ICAM2: variants seen among roughly 807,000 people sequenced by gnomAD.
ICAM2 encodes the protein intercellular adhesion molecule 2.
In ICAM2, 14 loss-of-function variants were observed where a neutral mutation model predicts 19.1. The ratio of observed to expected loss-of-function variants is 0.73; its 90% confidence interval spans 0.48 to 1.15. The LOEUF (loss-of-function observed/expected upper bound fraction) is 1.15. Ranked by LOEUF, ICAM2 falls within the 50% of genes most tolerant of loss-of-function variation. The pLI, the probability that ICAM2 is intolerant of heterozygous loss-of-function variation, is 0.00. For synonymous variants in ICAM2, 153 were observed against 152.7 expected, an observed-to-expected ratio of 1.00 and a Z score of -0.01; for missense variants, 311 against 355.4, an observed-to-expected ratio of 0.88 and a Z score of 1.00.
chr17:64,004,136 C>G, intron 3 of ICAM2, 172 bp from the exon 4 acceptor site: 1 of 595,458 alleles, frequency 1.7e-6, no homozygotes, highest in East Asian at 2.8e-5. Flanking sequence ...GGAGGCTGGA[C>G]TGTGTGGTAG....
chr17:64,006,903 GAAGCTGCTGAT>G, intron 1 of ICAM2, 168 bp from the exon 2 acceptor site: 1 of 593,692 alleles, frequency 1.7e-6, no homozygotes, highest in Non-Finnish European at 3.0e-6. Flanking sequence ...AGGAAGCTGG[GAAGCTGCTGAT>G]AAGCAGGGCA....
chr17:64,015,863 T>A (rs997796043), intron 1 of ICAM2, among the ~76,000 whole-genome samples: 6 of 152,008 alleles, frequency 3.9e-5, no homozygotes, highest in African/African-American at 1.4e-4. Flanking sequence ...TTAAAAAAAA[T>A]TATTATTATT....
At chr17:64,016,459 C>T (rs1041543740) in intron 1 of ICAM2, among the ~76,000 whole-genome samples, 1 of 152,204 alleles carries the variant, frequency 6.6e-6, no homozygotes, top group Non-Finnish European at 1.5e-5. Context: ...TGCTTTTCGT[C>T]TCAGGGTCTT....
chr17:64,003,549 G>T, intron 4 of ICAM2, 95 bp downstream of exon 4: 1 of 1,117,344 alleles, frequency 8.9e-7, no homozygotes, highest in South Asian at 1.4e-5. Context: ...GGGCTCCTGG[G>T]TGTTTGCTTC....
At chr17:64,008,735 T>C (rs3021487) in intron 1 of ICAM2, among the ~76,000 whole-genome samples, 2 of 152,224 alleles carry the variant, frequency 1.3e-5, no homozygotes, top group African/African-American at 4.8e-5. Flanking sequence ...AAAAGCAACA[T>C]AGCAGAAGGC....
At chr17:64,006,600 C>A in intron 2 of ICAM2, 31 bp downstream of exon 2, 1 of 1,607,884 alleles carries the variant, frequency 6.2e-7, no homozygotes, top group Non-Finnish European at 8.5e-7. Context: ...CTGGCATGTG[C>A]CAAATCAGGA....
At chr17:64,016,968 G>A (rs148323176) in intron 1 of ICAM2, among the ~76,000 whole-genome samples, 1 of 152,334 alleles carries the variant, frequency 6.6e-6, no homozygotes, top group Non-Finnish European at 1.5e-5. Flanking sequence ...TAGCAAATTA[G>A]AAGCAAATGT....
rs774163017 is a variant in ICAM2, at chr17:64,002,879, C to A, written c.696G>T (p.Ser232=). ...SQMVIIVTVV[S]VLLSLFVTSV... ...ATGTCACGAACAGGGACAGCAACAC[C>A]GACACCACCGTGACTATGATGACCA... The change falls in exon 5 of 5, where the codon TCG becomes TCT. Residue 232 remains serine (S), a synonymous_variant. Coordinates refer to ENST00000579788, the MANE Select transcript of ICAM2 (RefSeq NM_001099789.2). The A allele has an allele frequency of 1.2e-6, 2 of 1,613,740 alleles. No individual in the cohort carries two copies. The highest frequency in any genetic ancestry group is 1.7e-6 in the Non-Finnish European group (2 of 1,179,948).
intron 1 of ICAM2, among the ~76,000 whole-genome samples, chr17:64,019,944 T>C (rs1200058861): frequency 6.6e-6 from 1 of 151,946 alleles, no homozygotes; most frequent in Non-Finnish European, 1.5e-5. Flanking sequence ...TATATGTATG[T>C]TACATAAGCT....
chr17:64,002,738 T>C lies in ICAM2; in HGVS notation c.*9A>G. ...ACCACCGTGGTGGTGGCCATGCCAC[T>C]CATGGTTGCTATGGCCGGAAGGCCT... On this transcript the variant is annotated 3_prime_UTR_variant, in exon 5 of 5. Coordinates refer to ENST00000579788, the MANE Select transcript of ICAM2 (RefSeq NM_001099789.2). 6.2e-7 allele frequency: 1 copy of C among 1,609,332 alleles called. No individual in the cohort carries two copies. Among genetic ancestry groups the C allele is most frequent in the Non-Finnish European group, 8.5e-7 (1 of 1,178,774 alleles).
chr17:64,018,053 A>C (rs1375151688), intron 1 of ICAM2, among the ~76,000 whole-genome samples: 5 of 152,196 alleles, frequency 3.3e-5, no homozygotes, highest in Non-Finnish European at 5.9e-5. Flanking sequence ...ACTAAGATAC[A>C]AAGAAACAGG....
rs770848921 is a variant in ICAM2 at position 64,002,830 on chromosome 17, C to G, written c.745G>C (p.Gly249Arg). The G allele has an allele frequency of 1.2e-6, 2 of 1,613,768 alleles. No homozygotes were observed. Among genetic ancestry groups the G allele is most frequent in the East Asian group, 2.2e-5 (1 of 44,870 alleles). Reference protein sequence around the residue: ...VTSVLLCFIFGQHLRQQRMGT... With the variant: ...VTSVLLCFIFRQHLRQQRMGT... ...ATCCGCTGCTGGCGCAAGTGCTGGC[C>G]GAAGATGAAGCAGAGCAGGACAGAT... The change falls in exon 5 of 5, where the codon GGC (glycine) becomes CGC (arginine). Residue 249 changes from glycine to arginine, a missense_variant. Physicochemically the swap from Gly to Arg is moderately radical, Grantham distance 125. Coordinates refer to ENST00000579788, the MANE Select transcript of ICAM2 (RefSeq NM_001099789.2).
chr17:64,020,370 C>A (rs761556413), intron 1 of ICAM2, 153 bp downstream of exon 1: 1 of 152,510 alleles, frequency 6.6e-6, no homozygotes, highest in Non-Finnish European at 1.5e-5. Context: ...TGTCGAGCCA[C>A]AGGAGCGCTG....
Position 64,019,226 on chromosome 17 carries a change from A to G in ICAM2, c.-45+1297T>C, listed in dbSNP as rs933899819. 5.3e-5 allele frequency among the ~76,000 whole-genome samples: 8 copies of G among 152,296 alleles called. No individual in the cohort carries two copies. In the East Asian group the frequency reaches 1.5e-3, roughly 29 times the overall value. ...TATATAACTGTTTCATAAAATAAAA[A>G]TAAATAGGCATAGCCAGGTGCAGCA... On this transcript the variant is annotated intron_variant, in intron 1 of 4. Coordinates refer to ENST00000579788, the MANE Select transcript of ICAM2 (RefSeq NM_001099789.2).
rs989813985 is a variant in ICAM2 at position 64,006,568 on chromosome 17, C to T, written c.61+63G>A. ...CTCTTCCACCTGAAGCCACAGGGAACAGGGCACCCCCACCCTCTCGGCTGG... is the reference window on the plus strand; with the variant it reads ...CTCTTCCACCTGAAGCCACAGGGAATAGGGCACCCCCACCCTCTCGGCTGG... On this transcript the variant is annotated intron_variant, in intron 2 of 4. Transcript: ENST00000579788. The T allele has an allele frequency of 1.9e-4, 272 of 1,437,874 alleles. 1 individual carries two copies. The highest frequency in any genetic ancestry group is 2.9e-4 in the South Asian group (25 of 85,992). The allele number at this position is 1,437,874 out of a possible 1,614,324, so 89.1% of individuals were successfully genotyped here.
intron 1 of ICAM2, among the ~76,000 whole-genome samples, chr17:64,017,760 C>T (rs1911771092): frequency 6.6e-6 from 1 of 152,152 alleles, no homozygotes; most frequent in Non-Finnish European, 1.5e-5. Flanking sequence ...CAGAAATACA[C>T]CTATGCTTGT....
At chr17:64,005,507 T>C (rs907889827) in intron 2 of ICAM2, 134 bp from the exon 3 acceptor site, 12 of 990,280 alleles carry the variant, frequency 1.2e-5, no homozygotes, top group Non-Finnish European at 1.8e-5. Context: ...CCGCTGCTAC[T>C]TTCCCCTTGT....
Position 64,003,945 on chromosome 17 carries a change from GA to G in ICAM2, c.347del (p.Ile116ThrfsTer2). The G allele has an allele frequency of 6.2e-7, 1 of 1,613,058 alleles. No homozygotes were observed. Among genetic ancestry groups the G allele is most frequent in the Non-Finnish European group, 8.5e-7 (1 of 1,179,582 alleles). On this transcript the variant is annotated frameshift_variant, in exon 4 of 5. Coordinates refer to ENST00000579788, the MANE Select transcript of ICAM2 (RefSeq NM_001099789.2). LOFTEE classifies it high-confidence loss of function. ...VSVYQPPRQV[I>X]LTLQPTLVAV... ...CCACCAAAGTGGGTTGCAGTGTCAG[GA>G]TGACCTGCCTTGGAGGCTCTGCAGG...
intron 1 of ICAM2, among the ~76,000 whole-genome samples, chr17:64,010,175 C>A (rs1911393938): frequency 6.6e-6 from 1 of 152,104 alleles, no homozygotes; most frequent in South Asian, 2.1e-4. Context: ...GGAAACCCTG[C>A]TGTGTCAGTG....
Sources: allele counts gnomAD v4.1 joint callset (sites outside exome capture counted in the v4.1 genomes callset), GRCh38; gene constraint gnomAD v4.1.1; transcripts MANE v1.5; gene names NCBI Gene and HGNC (gene_info 2026-07-23, HGNC 2026-07-21).